TMEM129: variants seen among roughly 807,000 people sequenced by gnomAD.
TMEM129 encodes E3 ubiquitin-protein ligase TM129.
Under a neutral mutation model 34.1 loss-of-function variants are expected in TMEM129, and 35 were observed. That is an observed-to-expected ratio of 1.03 (90% CI 0.78 to 1.36). TMEM129 has a LOEUF of 1.36. Ranked by LOEUF, TMEM129 falls within the 40% of genes most tolerant of loss-of-function variation. The probability of loss-of-function intolerance (pLI) is 0.00; values close to 1 mark genes in which losing one functional copy is unlikely to be tolerated. For synonymous variants in TMEM129, 239 were observed against 217.3 expected (o/e 1.10, Z -0.88); for missense variants, 504 against 512.6 (o/e 0.98, Z 0.16).
At position 1,717,557 on chromosome 4, in the gene TMEM129, G is replaced by C. The variant is rs1317477511; in HGVS notation, c.799C>G (p.Leu267Val). ...GAGTAGGCCGGGTTGACCTCTACCA[G>C]GGAGGCAAATGTCTCCAGGAACAGG... ...GDLFLETFAS[L>V]VEVNPAYSVP... Residue 267 changes from leucine (L) to valine (V), a missense_variant, in exon 3 of 4, where the codon CTG becomes GTG. Physicochemically the swap from Leu to Val is conservative, Grantham distance 32. Transcript: ENST00000382936. 3.2e-6 allele frequency: 5 copies of C among 1,548,476 alleles called. No individual in the cohort carries two copies. The highest frequency in any genetic ancestry group is 4.4e-6 in the Non-Finnish European group (5 of 1,145,662).
At chr4:1,719,820 C>A (rs1004675884) in intron 1 of TMEM129, among the ~76,000 whole-genome samples, 5 of 152,202 alleles carry the variant, frequency 3.3e-5, no homozygotes, top group Non-Finnish European at 7.3e-5. Context: ...ATGAGGCAGG[C>A]CTGGGCGCCT....
chr4:1,717,214 C>T lies in TMEM129; in HGVS notation c.1055G>A (p.Arg352His), dbSNP rs904512736. Residue 352 changes from arginine to histidine, a missense_variant, in exon 4 of 4, where the codon CGC becomes CAC. Transcript: ENST00000382936. ...SRVPCPTCRA[R>H]FCILDVCTVR ...GGTGCACACATCCAGGATGCAGAAG[C>T]GTGCGCGGCAGGTGGGGCAGGGCAC... The T allele has an allele frequency of 2.0e-6, 3 of 1,486,888 alleles. No homozygotes were observed. Among genetic ancestry groups the T allele is most frequent in the African/African-American group, 1.4e-5 (1 of 72,238 alleles). The allele number at this position is 1,486,888 out of a possible 1,614,324, so 92.1% of individuals were successfully genotyped here.
At position 1,717,672 on chromosome 4, in the gene TMEM129, C is replaced by T. The variant is rs1483114128; in HGVS notation, c.684G>A (p.Leu228=). ...NPAVQAFDIW[L]NSTEYGELCE... ...AGAGCTCCCCGTACTCAGTGGAGTT[C>T]AGCCTGCAGGGAGGAGAGCTGCTGG... Residue 228 remains leucine, a synonymous_variant, in exon 3 of 4, where the codon CTG becomes CTA. Coordinates refer to ENST00000382936, the MANE Select transcript of TMEM129 (RefSeq NM_001127266.2). The T allele has an allele frequency of 6.6e-7, 1 of 1,510,862 alleles. No homozygotes were observed. Among genetic ancestry groups the T allele is most frequent in the Non-Finnish European group, 8.9e-7 (1 of 1,124,906 alleles). The allele number at this position is 1,510,862 out of a possible 1,614,324, so 93.6% of individuals were successfully genotyped here.
chr4:1,718,979 A>G (rs992123694), intron 1 of TMEM129: 1 of 1,251,646 alleles, frequency 8.0e-7, no homozygotes. Context: ...CAGTCTCTCA[A>G]TCTCACCCGC....
rs1175693978 is a variant in TMEM129, at chr4:1,721,115, C to T, written c.-278G>A. The T allele has an allele frequency of 7.9e-6, 2 of 252,296 alleles. No individual in the cohort carries two copies. The highest frequency in any genetic ancestry group is 2.3e-5 in the African/African-American group (1 of 44,282). The allele number at this position is 252,296 out of a possible 1,614,324, so 15.6% of individuals were successfully genotyped here. ...CATGGAGTCCCGCCGCTCGGCCGCTCGCGGGGCGCTCTGGGAGATGCAGTC... is the reference window on the plus strand; with the variant it reads ...CATGGAGTCCCGCCGCTCGGCCGCTTGCGGGGCGCTCTGGGAGATGCAGTC... On this transcript the variant is annotated 5_prime_UTR_variant, in exon 1 of 4. Transcript: ENST00000382936.
chr4:1,720,724 C>T lies in TMEM129; in HGVS notation c.114G>A (p.Ser38=), dbSNP rs751061111. Residue 38 remains serine (S), a synonymous_variant, in exon 1 of 4, where the codon TCG becomes TCA. Coordinates refer to ENST00000382936, the MANE Select transcript of TMEM129 (RefSeq NM_001127266.2). The surrounding 1 kb of genome is among the most constrained non-coding windows in gnomAD (Gnocchi z 4.4). ...AAGLTVQNLL[S]GWLGSEDAAF... ...CGGCGTCCTCGCTGCCCAGCCAGCC[C>T]GACAGCAGGTTCTGCACCGTGAGCC... 3 of 1,564,566 alleles carry T rather than the reference C, an allele frequency of 1.9e-6. No individual in the cohort carries two copies. The highest frequency in any genetic ancestry group is 2.6e-6 in the Non-Finnish European group (3 of 1,156,348).
intron 2 of TMEM129, 158 bp downstream of exon 2, chr4:1,717,994 G>T: frequency 1.4e-6 from 1 of 736,150 alleles, no homozygotes. Context: ...AGGGCTCAGT[G>T]ACTGGTGTCT....
rs1716942823 is a variant in TMEM129, at chr4:1,716,061, CCT to C, written c.*1117_*1118del. Reference sequence around the variant, plus strand: ...GTAAAAACAACCCCAACCCACTGCCCCTCTTTGGCAGCCCTTGAAACTCAGTT... The same window carrying C: ...GTAAAAACAACCCCAACCCACTGCCCCTTTGGCAGCCCTTGAAACTCAGTT... On this transcript the variant is annotated 3_prime_UTR_variant, in exon 4 of 4. Coordinates refer to ENST00000382936, the MANE Select transcript of TMEM129 (RefSeq NM_001127266.2). 1 of 152,258 alleles carries C rather than the reference CCT, an allele frequency of 6.6e-6. No individual in the cohort carries two copies. 9.4% of individuals were successfully genotyped at this position (152,258 alleles called of 1,614,324 possible). A position where few individuals can be genotyped will look rare whatever the true frequency, so the allele number is the denominator to read the frequency against.
rs1716989103 is a variant in TMEM129, at chr4:1,716,942, G to C, written c.*238C>G. 1.2e-5 allele frequency: 5 copies of C among 424,478 alleles called. No individual in the cohort carries two copies. The South Asian group carries it at 3.9e-4, about 33-fold the overall frequency. The allele number at this position is 424,478 out of a possible 1,614,324, so 26.3% of individuals were successfully genotyped here. A position where few individuals can be genotyped will look rare whatever the true frequency, so the allele number is the denominator to read the frequency against. On this transcript the variant is annotated 3_prime_UTR_variant, in exon 4 of 4. Coordinates refer to ENST00000382936, the MANE Select transcript of TMEM129 (RefSeq NM_001127266.2). Reference sequence around the variant, plus strand: ...CCACCAGCAGGAAAGGGGCAGGAGGGAGGCAAAGAGGAGGTGCCCAGGACT... The same window carrying C: ...CCACCAGCAGGAAAGGGGCAGGAGGCAGGCAAAGAGGAGGTGCCCAGGACT...
chr4:1,716,523 T>C lies in TMEM129; in HGVS notation c.*657A>G, dbSNP rs1716968245. On this transcript the variant is annotated 3_prime_UTR_variant, in exon 4 of 4. Coordinates refer to ENST00000382936, the MANE Select transcript of TMEM129 (RefSeq NM_001127266.2). ...AGACCTCGGCCTTCCCTGGACTTGT[T>C]GGGCAGAAAAAGGCACCAAGGACAG... is the stretch of plus-strand genomic sequence containing the variant. 1 of 152,256 alleles carries C rather than the reference T, an allele frequency of 6.6e-6. No homozygotes were observed. Among genetic ancestry groups the C allele is most frequent in the Non-Finnish European group, 1.5e-5 (1 of 68,118 alleles). 9.4% of individuals were successfully genotyped at this position (152,256 alleles called of 1,614,324 possible). A position where few individuals can be genotyped will look rare whatever the true frequency, so the allele number is the denominator to read the frequency against.
chr4:1,720,648 AGTG>A lies in TMEM129; in HGVS notation c.187_189del (p.His63del). ...GCAGCCTCACCGAGCGGCAGCAGCG[AGTG>A]GCACAACAGCGTGGCGGCCGTGCGG... On this transcript the variant is annotated inframe_deletion, in exon 1 of 4. Coordinates refer to ENST00000382936, the MANE Select transcript of TMEM129 (RefSeq NM_001127266.2). This position sits in a 1 kb window ranked among gnomAD's most constrained non-coding sequence, Gnocchi z 4.4. 1 of 1,543,668 alleles carries A rather than the reference AGTG, an allele frequency of 6.5e-7. No homozygotes were observed. The highest frequency in any genetic ancestry group is 8.7e-7 in the Non-Finnish European group (1 of 1,146,052).
At position 1,718,207 on chromosome 4, in the gene TMEM129, G is replaced by C; in HGVS notation, c.625C>G (p.Leu209Val). The C allele has an allele frequency of 6.3e-7, 1 of 1,593,058 alleles. No homozygotes were observed. ...GTGCTGGCCACACGGATGGTGAGGA[G>C]CTGCACGGGCAAGTTCGAGTCTGGC... is the stretch of plus-strand genomic sequence containing the variant. ...LSPDSNLPVQLLTIRVASTNP... is the reference protein window; with the variant it reads ...LSPDSNLPVQVLTIRVASTNP... Residue 209 changes from leucine (L) to valine (V), a missense_variant, in exon 2 of 4, where the codon CTC (leucine) becomes GTC (valine). Physicochemically the swap from Leu to Val is conservative, Grantham distance 32. Coordinates refer to ENST00000382936, the MANE Select transcript of TMEM129 (RefSeq NM_001127266.2).
rs1793990 is a variant in TMEM129, at chr4:1,720,460, G to A, written c.205+173C>T. 0.18 allele frequency among the ~76,000 whole-genome samples: 27,048 copies of A among 151,372 alleles called. 2,652 individuals carry two copies. Among genetic ancestry groups the A allele is most frequent in the Non-Finnish European group, 0.2 (13,493 of 67,986 alleles). ...TCACCTGCAAGTCAGTGCCGGCGGC[G>A]CCCCTAAGCGCGCTCAGCCCACGCC... is the stretch of plus-strand genomic sequence containing the variant. On this transcript the variant is annotated intron_variant, in intron 1 of 3. Coordinates refer to ENST00000382936, the MANE Select transcript of TMEM129 (RefSeq NM_001127266.2). The surrounding 1 kb of genome is among the most constrained non-coding windows in gnomAD (Gnocchi z 4.4).
intron 2 of TMEM129, 113 bp from the exon 3 acceptor site, chr4:1,717,788 T>G: frequency 7.2e-7 from 1 of 1,382,550 alleles, no homozygotes; most frequent in Non-Finnish European, 9.6e-7. Flanking sequence ...CCAGGAGAGA[T>G]GGCCCTAAGG....
rs553390008 is a variant in TMEM129, at chr4:1,721,315, G to A, written c.-478C>T. The A allele has an allele frequency of 7.2e-6, 1 of 139,564 alleles. No homozygotes were observed. Among genetic ancestry groups the A allele is most frequent in the African/African-American group, 2.6e-5 (1 of 38,038 alleles). The allele number at this position is 139,564 out of a possible 1,614,324, so 8.6% of individuals were successfully genotyped here. Reference sequence around the variant, plus strand: ...GGGCGACTGCGAGCCCGGGGTCTCAGCTTCAGACACCCTGGCGTGCCCTCC... The same window carrying A: ...GGGCGACTGCGAGCCCGGGGTCTCAACTTCAGACACCCTGGCGTGCCCTCC... On this transcript the variant is annotated 5_prime_UTR_variant, in exon 1 of 4. Transcript: ENST00000382936.
In TMEM129 at chr4:1,717,441, G is replaced by A. The variant is rs2108673587; in HGVS notation, c.841-13C>T. On this transcript the variant is annotated splice_polypyrimidine_tract_variant and intron_variant, in intron 3 of 3. Coordinates refer to ENST00000382936, the MANE Select transcript of TMEM129 (RefSeq NM_001127266.2). The stretch of plus-strand genomic sequence containing the variant: ...AGGCCTCCAGCTCCTGCGGGCAGGT[G>A]GAGCGTCACCAGGAGCCCAGGCAGA... 1.3e-6 allele frequency: 2 copies of A among 1,507,890 alleles called. No individual in the cohort carries two copies. 93.4% of individuals were successfully genotyped at this position (1,507,890 alleles called of 1,614,324 possible).
At position 1,717,153 on chromosome 4, in the gene TMEM129, C is replaced by G. The variant is rs1717001578; in HGVS notation, c.*27G>C. On this transcript the variant is annotated 3_prime_UTR_variant, in exon 4 of 4. Transcript: ENST00000382936. The stretch of plus-strand genomic sequence containing the variant: ...TGCCCTGTGGCTTTGGGGGGAGACA[C>G]AGAGTCACCTCAAGGCCCCAGCCCA... 2.1e-6 allele frequency: 3 copies of G among 1,412,614 alleles called. No homozygotes were observed. Among genetic ancestry groups the G allele is most frequent in the East Asian group, 2.6e-5 (1 of 37,884 alleles). The allele number at this position is 1,412,614 out of a possible 1,614,324, so 87.5% of individuals were successfully genotyped here.
In TMEM129 at chr4:1,718,322, C is replaced by A. The variant is rs765561859; in HGVS notation, c.510G>T (p.Trp170Cys). The change falls in exon 2 of 4, where the codon TGG (tryptophan) becomes TGT (cysteine). Residue 170 changes from tryptophan to cysteine, a missense_variant. By Grantham distance (215) the Trp-to-Cys change is radical (BLOSUM62 -2). Coordinates refer to ENST00000382936, the MANE Select transcript of TMEM129 (RefSeq NM_001127266.2). ...PGARVIVTDTWVMKVTTYRVH... is the reference protein window; with the variant it reads ...PGARVIVTDTCVMKVTTYRVH... ...CTCGGTAGGTGGTTACCTTCATCAC[C>A]CACGTGTCTGTCACAATCACACGGG... is the stretch of plus-strand genomic sequence containing the variant. The A allele has an allele frequency of 6.2e-7, 1 of 1,613,540 alleles. No homozygotes were observed. Among genetic ancestry groups the A allele is most frequent in the Middle Eastern group, 1.6e-4 (1 of 6,062 alleles).
rs1389563565 is a variant in TMEM129, at chr4:1,718,280, C to T, written c.552G>A (p.Gln184=). The change falls in exon 2 of 4, where the codon CAG becomes CAA. Residue 184 remains glutamine (Q), a synonymous_variant. Coordinates refer to ENST00000382936, the MANE Select transcript of TMEM129 (RefSeq NM_001127266.2). ...CCGTCACAGTCAGGTGCACGTCCTG[C>T]TGCTGGGCCACGTGCACTCGGTAGG... ...VTTYRVHVAQ[Q]QDVHLTVTES... is the part of the protein sequence containing the mutation. The T allele has an allele frequency of 3.1e-6, 5 of 1,612,568 alleles. No individual in the cohort carries two copies. The African/African-American group carries it at 6.7e-5, about 22-fold the overall frequency.
Sources: allele counts gnomAD v4.1 joint callset (sites outside exome capture counted in the v4.1 genomes callset), GRCh38; gene constraint gnomAD v4.1.1; non-coding constraint Gnocchi (gnomAD v3.1); transcripts MANE v1.5; gene names NCBI Gene and HGNC (gene_info 2026-07-23, HGNC 2026-07-21).